UNC5D: variants seen among roughly 807,000 people sequenced by gnomAD.
UNC5D encodes the protein netrin receptor UNC5D.
A neutral mutation model predicts 105.4 loss-of-function variants in UNC5D; 39 were observed. The observed-to-expected ratio is 0.37, with a 90% CI of 0.29 to 0.48. The LOEUF is 0.48. Among genes scored for constraint, UNC5D ranks in the 20% least tolerant of loss-of-function variants. The probability of loss-of-function intolerance (pLI) is 0.98; values close to 1 mark genes in which losing one functional copy is unlikely to be tolerated. For missense variants in UNC5D, 991 were observed against 1,202.4 expected, an observed-to-expected ratio of 0.82 and a Z score of 2.60; for synonymous variants, 452 against 450.4, an observed-to-expected ratio of 1.00 and a Z score of -0.04.
At chr8:35,707,673 G>A (rs767186316) in intron 8 of UNC5D, among the ~76,000 whole-genome samples, 16 of 152,146 alleles carry the variant, frequency 1.1e-4, no homozygotes, top group Non-Finnish European at 1.9e-4. Context: ...GCCAATGTGA[G>A]AGTTACTTAG....
intron 1 of UNC5D, among the ~76,000 whole-genome samples, chr8:35,356,954 T>C (rs1229496452): frequency 6.6e-6 from 1 of 152,150 alleles, no homozygotes; most frequent in Non-Finnish European, 1.5e-5. Context: ...GTACCACACT[T>C]CTTTAAAATA....
rs557060629 is a variant in UNC5D at position 35,501,585 on chromosome 8, T to C, written c.104-47707T>C. ...GTGCAAGGGCAGAAGGCAGATGTTA[T>C]AAAACAAATAAGTCAGAAAGCCTCC... On this transcript the variant is annotated intron_variant, in intron 1 of 16. Transcript: ENST00000404895. Among the ~76,000 whole-genome samples the C allele has an allele frequency of 4.6e-5, 7 of 152,306 alleles. No homozygotes were observed. In the East Asian group the frequency reaches 1.4e-3, roughly 29 times the overall value.
At chr8:35,771,957 G>C (rs554176924) in intron 15 of UNC5D, among the ~76,000 whole-genome samples, 2 of 152,298 alleles carry the variant, frequency 1.3e-5, no homozygotes, top group Non-Finnish European at 2.9e-5. Flanking sequence ...GGCTGAGATA[G>C]ATAAGGTAGC....
At chr8:35,236,161 C>G (rs1251729091) in intron 1 of UNC5D, among the ~76,000 whole-genome samples, 1 of 152,184 alleles carries the variant, frequency 6.6e-6, no homozygotes, top group Non-Finnish European at 1.5e-5. Context: ...CAAGCCCTCC[C>G]CAATTGCTGC....
chr8:35,743,427 G>T (rs555179682), intron 11 of UNC5D, among the ~76,000 whole-genome samples: 1 of 151,316 alleles, frequency 6.6e-6, no homozygotes, highest in Non-Finnish European at 1.5e-5. Context: ...GCACCACCAC[G>T]CCTGACTAAT....
At chr8:35,662,322 C>G (rs1208317120) in intron 4 of UNC5D, among the ~76,000 whole-genome samples, 2 of 152,160 alleles carry the variant, frequency 1.3e-5, no homozygotes, top group Non-Finnish European at 2.9e-5. Flanking sequence ...AGCCAGACCC[C>G]TGCTTTATTG....
At chr8:35,624,269 A>G (rs572069007) in intron 4 of UNC5D, among the ~76,000 whole-genome samples, 16 of 152,340 alleles carry the variant, frequency 1.1e-4, no homozygotes, top group African/African-American at 3.4e-4. Flanking sequence ...AGTGGAAGCC[A>G]CAATCTCTTT....
At chr8:35,779,988 G>T (rs1802428692) in intron 16 of UNC5D, among the ~76,000 whole-genome samples, 2 of 152,102 alleles carry the variant, frequency 1.3e-5, no homozygotes, top group South Asian at 2.1e-4. Context: ...CAGCCAGCTT[G>T]ACCAAGTTGC....
intron 1 of UNC5D, chr8:35,525,809 A>G: frequency 6.9e-7 from 1 of 1,454,320 alleles, no homozygotes. Flanking sequence ...TTTTTGTTTT[A>G]ATTATACAGA....
rs561740489 is a variant in UNC5D at position 35,238,456 on chromosome 8, A to T, written c.103+2569A>T. ...ACATCTCTGCCTGTCGGCATATTGT[A>T]AGGAAGGCACTCTGGTGCCATGATC... On this transcript the variant is annotated intron_variant, in intron 1 of 16. Coordinates refer to ENST00000404895, the MANE Select transcript of UNC5D (RefSeq NM_080872.4). 2.0e-5 allele frequency among the ~76,000 whole-genome samples: 3 copies of T among 152,340 alleles called. No individual in the cohort carries two copies. In the East Asian group the frequency reaches 5.8e-4, roughly 29 times the overall value.
chr8:35,374,126 G>T (rs187784731), intron 1 of UNC5D, among the ~76,000 whole-genome samples: 2 of 152,188 alleles, frequency 1.3e-5, no homozygotes, highest in African/African-American at 4.8e-5. Context: ...TGATGATACT[G>T]CATTTCAGTT....
intron 7 of UNC5D, among the ~76,000 whole-genome samples, chr8:35,705,416 T>C (rs1827509999): frequency 6.6e-6 from 1 of 152,172 alleles, no homozygotes; most frequent in South Asian, 2.1e-4. Flanking sequence ...AAAACAAAAC[T>C]AACGTGTTCA....
At chr8:35,262,843 A>T (rs1804583154) in intron 1 of UNC5D, among the ~76,000 whole-genome samples, 1 of 152,228 alleles carries the variant, frequency 6.6e-6, no homozygotes, top group Admixed American at 6.5e-5. Flanking sequence ...ACTAAATACT[A>T]GAGCAAGATT....
At chr8:35,403,231 C>T (rs572161455) in intron 1 of UNC5D, among the ~76,000 whole-genome samples, 1 of 152,338 alleles carries the variant, frequency 6.6e-6, no homozygotes, top group East Asian at 1.9e-4. Flanking sequence ...CACTGTGTCA[C>T]ATTTATAAAA....
At chr8:35,545,016 T>G (rs1815546059) in intron 1 of UNC5D, among the ~76,000 whole-genome samples, 1 of 151,902 alleles carries the variant, frequency 6.6e-6, no homozygotes, top group Admixed American at 6.6e-5. Flanking sequence ...GTCATCAGAG[T>G]CTGTGATTTT....
chr8:35,684,449 C>A, intron 5 of UNC5D, 133 bp from the exon 6 acceptor site: 1 of 986,284 alleles, frequency 1.0e-6, no homozygotes, highest in Non-Finnish European at 1.4e-6. Flanking sequence ...AATGGAGCAG[C>A]CAGTGGGGGC....
intron 1 of UNC5D, among the ~76,000 whole-genome samples, chr8:35,537,905 A>T (rs930651448): frequency 1.3e-5 from 2 of 152,044 alleles, no homozygotes; most frequent in African/African-American, 4.8e-5. Flanking sequence ...TTCAACAAAC[A>T]CATGTAGAGT....
intron 3 of UNC5D, among the ~76,000 whole-genome samples, chr8:35,577,733 G>A (rs956913938): frequency 4.6e-5 from 7 of 152,110 alleles, no homozygotes; most frequent in Admixed American, 3.9e-4. Context: ...TAATCTGGAT[G>A]TATCACTTCA....
intron 1 of UNC5D, among the ~76,000 whole-genome samples, chr8:35,544,180 T>C (rs569799232): frequency 1.3e-5 from 2 of 152,302 alleles, no homozygotes; most frequent in African/African-American, 4.8e-5. Flanking sequence ...CCACAATCTG[T>C]AGCTACTTGG....
Sources: allele counts gnomAD v4.1 joint callset (sites outside exome capture counted in the v4.1 genomes callset), GRCh38; gene constraint gnomAD v4.1.1; transcripts MANE v1.5; gene names NCBI Gene and HGNC (gene_info 2026-07-23, HGNC 2026-07-21).